CHM: variants seen among roughly 807,000 people sequenced by gnomAD.
The protein encoded by CHM is CHM Rab escort protein.
CHM carries 10 observed loss-of-function variants against 49.0 expected under a neutral mutation model. That is an observed-to-expected ratio of 0.20 (90% CI 0.13 to 0.35). CHM has a LOEUF of 0.35. CHM is among the 10% of genes least tolerant of loss of function. CHM has a pLI of 1.00. For missense variants in CHM, 455 were observed against 478.4 expected, an observed-to-expected ratio of 0.95 and a Z score of 0.46; for synonymous variants, 184 against 167.5, an observed-to-expected ratio of 1.10 and a Z score of -0.76.
At chrX:86,030,144 ATC>A (rs1327294364) in intron 1 of CHM, among the ~76,000 whole-genome samples, 1 of 112,219 alleles carries the variant, frequency 8.9e-6, no homozygotes, top group Non-Finnish European at 1.9e-5. Context: ...CAGAAGTCAA[ATC>A]TCTGCTATTA....
chrX:85,936,224 A>C (rs961481193), intron 8 of CHM, among the ~76,000 whole-genome samples: 2 of 112,178 alleles, frequency 1.8e-5, no homozygotes, highest in African/African-American at 6.5e-5. Flanking sequence ...TTAATACCAA[A>C]TCTAGTTTGT....
intron 2 of CHM, among the ~76,000 whole-genome samples, chrX:86,020,525 A>G (rs2147780376): frequency 9.3e-6 from 1 of 107,341 alleles, no homozygotes; most frequent in East Asian, 2.9e-4. Flanking sequence ...CATAGCAAAT[A>G]TTACTATATA....
chrX:85,884,949 A>G (rs1354186916), intron 12 of CHM, among the ~76,000 whole-genome samples: 6 of 111,233 alleles, frequency 5.4e-5, no homozygotes, highest in Non-Finnish European at 9.5e-5. Context: ...TTAATGTTTT[A>G]TATATTATAC....
At chrX:86,033,130 TA>T (rs755119022) in intron 1 of CHM, among the ~76,000 whole-genome samples, 1 of 111,823 alleles carries the variant, frequency 8.9e-6, no homozygotes, top group Admixed American at 9.5e-5. Flanking sequence ...CATTTACAAC[TA>T]TAACATTTAG....
chrX:85,997,782 T>C (rs780138315), intron 2 of CHM, among the ~76,000 whole-genome samples: 6 of 111,289 alleles, frequency 5.4e-5, no homozygotes, highest in Admixed American at 9.6e-5. Flanking sequence ...AAATCCCGTC[T>C]GTACTAAAAA....
intron 14 of CHM, among the ~76,000 whole-genome samples, chrX:85,871,918 T>C (rs937472171): frequency 8.9e-6 from 1 of 112,134 alleles, no homozygotes; most frequent in Non-Finnish European, 1.9e-5. Flanking sequence ...AAAAATGACT[T>C]GATCATTTCA....
intron 1 of CHM, among the ~76,000 whole-genome samples, chrX:86,037,219 C>T (rs1221858382): frequency 9.6e-6 from 1 of 104,378 alleles, no homozygotes; most frequent in African/African-American, 3.5e-5. Context: ...CGGGTTCAAG[C>T]GATTCTCCTG....
intron 2 of CHM, among the ~76,000 whole-genome samples, chrX:86,006,977 C>T (rs184697796): frequency 1.8e-5 from 2 of 111,421 alleles, no homozygotes; most frequent in Non-Finnish European, 3.8e-5. Context: ...AAAGAACAAA[C>T]CTGGAGGCAT....
At chrX:86,042,712 A>C (rs1312640161) in intron 1 of CHM, among the ~76,000 whole-genome samples, 1 of 110,054 alleles carries the variant, frequency 9.1e-6, no homozygotes, top group Non-Finnish European at 1.9e-5. Flanking sequence ...AATCTCAGCT[A>C]CTCAGGAGTC....
At chrX:85,887,845 A>G (rs1925184841) in intron 12 of CHM, among the ~76,000 whole-genome samples, 1 of 111,298 alleles carries the variant, frequency 9.0e-6, no homozygotes, top group Admixed American at 9.6e-5. Flanking sequence ...CTCTGAACTT[A>G]AGGGAGATGA....
chrX:85,941,480 C>G (rs868138852), intron 8 of CHM, among the ~76,000 whole-genome samples: 1 of 111,865 alleles, frequency 8.9e-6, no homozygotes, highest in Non-Finnish European at 1.9e-5. Context: ...ATTCATTAAT[C>G]CATCAAATAC....
intron 4 of CHM, among the ~76,000 whole-genome samples, chrX:85,966,517 G>A (rs1046219236): frequency 1.3e-4 from 15 of 111,294 alleles, no homozygotes; most frequent in African/African-American, 4.9e-4. Context: ...AGAATGAAGA[G>A]TCATAATATG....
chrX:85,871,320 A>AAAAAAAAAAAAAAAAAAAAAAAAAAG (rs1487188345), intron 14 of CHM, among the ~76,000 whole-genome samples: 17 of 102,983 alleles, frequency 1.7e-4, no homozygotes, highest in African/African-American at 6.1e-4. Context: ...AAAAAAAAAA[A>AAAAAAAAAAAAAAAAAAAAAAAAAAG]AAGAAGAAAT....
chrX:85,965,484 T>A (rs1335039912), intron 4 of CHM, among the ~76,000 whole-genome samples: 1 of 111,397 alleles, frequency 9.0e-6, no homozygotes, highest in Non-Finnish European at 1.9e-5. Flanking sequence ...TCTGTGCCCC[T>A]CACGACACCT....
At chrX:85,964,319 G>C (rs1488049950) in intron 4 of CHM, among the ~76,000 whole-genome samples, 2 of 110,990 alleles carry the variant, frequency 1.8e-5, no homozygotes, top group African/African-American at 6.6e-5. Context: ...CAGAATAACA[G>C]ATCTTGGTTC....
intron 9 of CHM, among the ~76,000 whole-genome samples, chrX:85,909,752 C>T (rs1346138565): frequency 8.9e-6 from 1 of 111,913 alleles, no homozygotes; most frequent in African/African-American, 3.2e-5. Flanking sequence ...AACAAACAAA[C>T]AAACATGAGC....
At chrX:85,905,350 T>C (rs1445339720) in intron 9 of CHM, among the ~76,000 whole-genome samples, 2 of 111,961 alleles carry the variant, frequency 1.8e-5, no homozygotes, top group South Asian at 3.7e-4. Flanking sequence ...TGCTAGCAAA[T>C]TGGTAGTTCA....
chrX:85,962,877 A>G (rs5967656), intron 5 of CHM, among the ~76,000 whole-genome samples: 19,021 of 111,287 alleles, frequency 0.17, 1,548 homozygotes, highest in Non-Finnish European at 0.25. Flanking sequence ...GTGAACTAAC[A>G]TTCAAGTTAG....
At chrX:85,927,355 T>TA (rs1474929699) in intron 8 of CHM, among the ~76,000 whole-genome samples, 7 of 111,726 alleles carry the variant, frequency 6.3e-5, no homozygotes, top group Non-Finnish European at 1.3e-4. Flanking sequence ...TATGCAACTG[T>TA]AAAAAAATAC....
Sources: allele counts gnomAD v4.1 joint callset (sites outside exome capture counted in the v4.1 genomes callset), GRCh38; gene constraint gnomAD v4.1.1; transcripts MANE v1.5; gene names NCBI Gene and HGNC (gene_info 2026-07-23, HGNC 2026-07-21).